The following ADAM22 variants were observed in gnomAD, a reference collection of about 807,000 sequenced individuals.
The protein encoded by ADAM22 is ADAM metallopeptidase domain 22, also known as disintegrin and metalloproteinase domain-containing protein 22.
Under a neutral mutation model 144.6 loss-of-function variants are expected in ADAM22, and 65 were observed. That is an observed-to-expected ratio of 0.45 (90% CI 0.37 to 0.55). The LOEUF is 0.55. ADAM22 is among the 20% of genes least tolerant of loss of function. The pLI is 0.00. For missense variants in ADAM22, 974 were observed against 1,184.9 expected (o/e 0.82, Z 2.61); for synonymous variants, 391 against 412.6 (o/e 0.95, Z 0.63).
intron 21 of ADAM22, among the ~76,000 whole-genome samples, chr7:88,154,432 A>G (rs1839325935): frequency 6.6e-6 from 1 of 152,150 alleles, no homozygotes; most frequent in Admixed American, 6.6e-5. Context: ...TCATACCATC[A>G]TCAGCCAAAA....
chr7:88,146,564 G>C (rs1186851889), intron 17 of ADAM22, among the ~76,000 whole-genome samples: 1 of 152,170 alleles, frequency 6.6e-6, no homozygotes, highest in Non-Finnish European at 1.5e-5. Flanking sequence ...ACCCCTCCTA[G>C]ATGGGACAGC....
At chr7:87,998,286 GAAC>G (rs894129146) in intron 3 of ADAM22, among the ~76,000 whole-genome samples, 1 of 152,126 alleles carries the variant, frequency 6.6e-6, no homozygotes, top group Non-Finnish European at 1.5e-5. Context: ...ACACACCCAG[GAAC>G]AACACTTTGC....
chr7:88,077,850 T>C (rs942136232), intron 4 of ADAM22, among the ~76,000 whole-genome samples: 1 of 152,068 alleles, frequency 6.6e-6, no homozygotes, highest in Non-Finnish European at 1.5e-5. Context: ...GCCCAGAAGC[T>C]CGAACTGGGT....
intron 2 of ADAM22, among the ~76,000 whole-genome samples, chr7:87,974,776 T>C (rs1293326245): frequency 2.0e-5 from 3 of 152,214 alleles, no homozygotes; most frequent in Non-Finnish European, 4.4e-5. Context: ...AAGGATAAGA[T>C]GAAGTATTGG....
At position 87,947,119 on chromosome 7, in the gene ADAM22, G is replaced by A. The variant is rs763489902; in HGVS notation, c.246+11933G>A. 5.3e-5 allele frequency among the ~76,000 whole-genome samples: 8 copies of A among 151,508 alleles called. No homozygotes were observed. In the East Asian group the frequency reaches 9.7e-4, roughly 18 times the overall value. ...GCTGGGTACTATGCTCAGCATCTGC[G>A]TGATAGGATCATTCATATCCCAAAT... On this transcript the variant is annotated intron_variant, in intron 2 of 31. Coordinates refer to ENST00000413139, the MANE Select transcript of ADAM22 (RefSeq NM_001324418.2).
In ADAM22 at chr7:88,039,976, A is replaced by G. The variant is rs141574951; in HGVS notation, c.324-35650A>G. 9.3e-4 allele frequency among the ~76,000 whole-genome samples: 140 copies of G among 151,022 alleles called. No individual in the cohort carries two copies. The East Asian group carries it at 0.023, about 25-fold the overall frequency. On this transcript the variant is annotated intron_variant, in intron 3 of 31. Coordinates refer to ENST00000413139, the MANE Select transcript of ADAM22 (RefSeq NM_001324418.2). ...CCAAGCCTGAGTCAGTGTCCTTTTCACTCTCCCACTCATCACAGTTCAACC... is the reference window on the plus strand; with the variant it reads ...CCAAGCCTGAGTCAGTGTCCTTTTCGCTCTCCCACTCATCACAGTTCAACC...
chr7:88,132,182 G>T (rs1831984096), intron 11 of ADAM22: 1 of 149,574 alleles, frequency 6.7e-6, no homozygotes. Context: ...CCTCTTGAAA[G>T]TAAGTTGAAG....
At chr7:88,161,484 A>G (rs752804418) in intron 22 of ADAM22, among the ~76,000 whole-genome samples, 5 of 152,302 alleles carry the variant, frequency 3.3e-5, no homozygotes, top group Non-Finnish European at 5.9e-5. Flanking sequence ...TAATTAAACT[A>G]AAGTGCTTCT....
At chr7:87,972,328 T>C (rs1850665776) in intron 2 of ADAM22, among the ~76,000 whole-genome samples, 1 of 150,936 alleles carries the variant, frequency 6.6e-6, no homozygotes, top group South Asian at 2.1e-4. Flanking sequence ...GAACTCCCAT[T>C]CACAATTGCT....
At chr7:88,039,464 A>AATATATATATATATATATAT (rs1554420479) in intron 3 of ADAM22, among the ~76,000 whole-genome samples, 12 of 76,266 alleles carry the variant, frequency 1.6e-4, no homozygotes, top group South Asian at 5.7e-4. Flanking sequence ...AAAAAAAAAA[A>AATATATATATATATATATAT]ATATATATAT....
At chr7:88,136,239 G>T (rs1022608099) in intron 14 of ADAM22, among the ~76,000 whole-genome samples, 2 of 152,028 alleles carry the variant, frequency 1.3e-5, no homozygotes, top group Non-Finnish European at 2.9e-5. Context: ...TTACATCTAG[G>T]CTATAAACGT....
At chr7:87,948,995 TTGTA>T (rs1277649289) in intron 2 of ADAM22, among the ~76,000 whole-genome samples, 1 of 152,222 alleles carries the variant, frequency 6.6e-6, no homozygotes, top group Non-Finnish European at 1.5e-5. Flanking sequence ...TTGTTAGTGA[TTGTA>T]TGTACTTTTG....
At chr7:88,193,348 T>C (rs1850024586) in intron 31 of ADAM22, 109 bp downstream of exon 31, 1 of 1,314,624 alleles carries the variant, frequency 7.6e-7, no homozygotes, top group Non-Finnish European at 1.0e-6. Flanking sequence ...CCTAAGAAAA[T>C]GAAAAAATCA....
intron 15 of ADAM22, among the ~76,000 whole-genome samples, chr7:88,143,468 A>G (rs1373663378): frequency 6.6e-6 from 1 of 152,202 alleles, no homozygotes; most frequent in Non-Finnish European, 1.5e-5. Context: ...TTGGTTACCT[A>G]ATCACAACTC....
chr7:88,193,264 C>T lies in ADAM22; in HGVS notation c.2874+25C>T, dbSNP rs369761232. On this transcript the variant is annotated intron_variant, in intron 31 of 31. Coordinates refer to ENST00000413139, the MANE Select transcript of ADAM22 (RefSeq NM_001324418.2). ...GGTATGTGGAAACCTCTTCCATGTGCGTACATGCTCAGTCATTATCATTTA... is the reference window on the plus strand; with the variant it reads ...GGTATGTGGAAACCTCTTCCATGTGTGTACATGCTCAGTCATTATCATTTA... 23 of 1,609,090 alleles carry T rather than the reference C, an allele frequency of 1.4e-5. No homozygotes were observed. In the African/African-American group the frequency reaches 1.9e-4, roughly 13 times the overall value.
intron 3 of ADAM22, among the ~76,000 whole-genome samples, chr7:88,004,721 T>G (rs568253865): frequency 3.9e-5 from 6 of 152,318 alleles, no homozygotes; most frequent in African/African-American, 1.2e-4. Context: ...TTAGTCAAAT[T>G]TGGGAAAACC....
At position 88,114,604 on chromosome 7, in the gene ADAM22, A is replaced by G. The variant is rs774878910; in HGVS notation, c.494A>G (p.Asn165Ser). 3.7e-6 allele frequency: 6 copies of G among 1,613,806 alleles called. No homozygotes were observed. Among genetic ancestry groups the G allele is most frequent in the Non-Finnish European group, 5.1e-6 (6 of 1,179,874 alleles). The change falls in exon 6 of 32, where the codon AAC becomes AGC. Residue 165 changes from asparagine (N) to serine (S), a missense_variant. Asn to Ser is a conservative substitution (Grantham distance 46). Around this residue, in one of 2 missense-constraint regions of ADAM22, gnomAD observed 240 missense variants for 234.3 expected, o/e 1.02. Coordinates refer to ENST00000413139, the MANE Select transcript of ADAM22 (RefSeq NM_001324418.2). Reference sequence around the variant, plus strand: ...GGCAGTGGGATGTTCTATGACGGGAACCACACATATCTCATTGAGCCAGAA... The same window carrying G: ...GGCAGTGGGATGTTCTATGACGGGAGCCACACATATCTCATTGAGCCAGAA... ...HGLHGMFYDG[N>S]HTYLIEPEEN...
chr7:88,015,797 C>T (rs1219171832), intron 3 of ADAM22, among the ~76,000 whole-genome samples: 3 of 152,014 alleles, frequency 2.0e-5, no homozygotes, highest in African/African-American at 2.4e-5. Context: ...TTTCATTTTG[C>T]GTAGTGAAAT....
chr7:88,030,570 G>A (rs2129469327), intron 3 of ADAM22, among the ~76,000 whole-genome samples: 1 of 152,190 alleles, frequency 6.6e-6, no homozygotes, highest in Non-Finnish European at 1.5e-5. Context: ...GTGGTACATG[G>A]TGGGAGGTTA....
Sources: gnomAD v4.1 joint callset for allele counts (sites outside exome capture counted in the v4.1 genomes callset) on GRCh38, gnomAD v4.1.1 for gene constraint, gnomAD v4.1.1 regional missense constraint, MANE v1.5 for transcripts, NCBI Gene and HGNC (gene_info 2026-07-23, HGNC 2026-07-21) for gene names.